IL1RAPL2: variants seen among roughly 807,000 people sequenced by gnomAD.
IL1RAPL2 encodes X-linked interleukin-1 receptor accessory protein-like 2.
Under a neutral mutation model 44.1 loss-of-function variants are expected in IL1RAPL2, and 3 were observed. The ratio of observed to expected loss-of-function variants is 0.07; its 90% confidence interval spans 0.03 to 0.18. IL1RAPL2 has a LOEUF of 0.18. Among genes scored for constraint, IL1RAPL2 ranks in the 10% least tolerant of loss-of-function variants. The pLI is 1.00. For synonymous variants in IL1RAPL2, 181 were observed against 178.8 expected, an observed-to-expected ratio of 1.01 and a Z score of -0.10; for missense variants, 391 against 496.4, an observed-to-expected ratio of 0.79 and a Z score of 2.02.
intron 1 of IL1RAPL2, chrX:104,647,778 T>A (rs184952739): frequency 9.3e-5 from 50 of 535,167 alleles, no homozygotes; most frequent in Non-Finnish European, 1.1e-4. Flanking sequence ...ACTGGTACAT[T>A]AAGTGGTCGA....
At chrX:104,876,476 G>A (rs1922901641) in intron 2 of IL1RAPL2, among the ~76,000 whole-genome samples, 1 of 110,906 alleles carries the variant, frequency 9.0e-6, no homozygotes, top group South Asian at 3.8e-4. Flanking sequence ...AAATCAAAAT[G>A]TTTCTTAATG....
At position 105,518,909 on chromosome X, in the gene IL1RAPL2, A is replaced by G. The variant is rs922601231; in HGVS notation, c.772+34522A>G. ...GAATCATTTATAACTTGCCTTACCT[A>G]TGCTACCACCCAAGCATCTATACAA... On this transcript the variant is annotated intron_variant, in intron 6 of 10. Transcript: ENST00000372582. Among the ~76,000 whole-genome samples, 2 of 111,302 alleles carry G rather than the reference A, an allele frequency of 1.8e-5. 1 individual carries two copies. The highest frequency in any genetic ancestry group is 7.5e-4 in the South Asian group (2 of 2,683).
chrX:105,077,299 A>T (rs2032322714), intron 2 of IL1RAPL2, among the ~76,000 whole-genome samples: 1 of 111,328 alleles, frequency 9.0e-6, no homozygotes, highest in Non-Finnish European at 1.9e-5. Flanking sequence ...TCCTTCACTT[A>T]TGAAGCTTAG....
intron 2 of IL1RAPL2, among the ~76,000 whole-genome samples, chrX:104,740,544 A>C (rs773266374): frequency 9.0e-6 from 1 of 110,794 alleles, no homozygotes; most frequent in Non-Finnish European, 1.9e-5. Context: ...GAGAAAATGA[A>C]GTCTGTGATA....
chrX:105,094,538 T>C (rs754754500), intron 2 of IL1RAPL2, among the ~76,000 whole-genome samples: 5 of 111,870 alleles, frequency 4.5e-5, no homozygotes, highest in Non-Finnish European at 7.5e-5. Flanking sequence ...TTCTACTCCA[T>C]TGATCTATGC....
intron 2 of IL1RAPL2, among the ~76,000 whole-genome samples, chrX:104,731,525 C>T (rs1194468246): frequency 1.8e-5 from 2 of 111,184 alleles, no homozygotes; most frequent in Non-Finnish European, 3.8e-5. Context: ...TTCTCAGCCT[C>T]CTGAGTAGAT....
At chrX:105,539,452 G>A (rs1024314518) in intron 6 of IL1RAPL2, among the ~76,000 whole-genome samples, 2 of 111,557 alleles carry the variant, frequency 1.8e-5, no homozygotes, top group African/African-American at 6.5e-5. Flanking sequence ...AAATGGCGCT[G>A]GGATAGCTGG....
At chrX:105,088,654 C>T (rs1310824845) in intron 2 of IL1RAPL2, among the ~76,000 whole-genome samples, 1 of 111,398 alleles carries the variant, frequency 9.0e-6, no homozygotes, top group African/African-American at 3.3e-5. Context: ...CCACTCTACA[C>T]ATGATGTTGG....
chrX:104,946,900 G>A (rs1200057800), intron 2 of IL1RAPL2, among the ~76,000 whole-genome samples: 1 of 94,568 alleles, frequency 1.1e-5, no homozygotes, highest in Non-Finnish European at 2.1e-5. Flanking sequence ...CTTTATAGCA[G>A]CATGATTTAT....
chrX:104,736,109 T>C (rs1040536656), intron 2 of IL1RAPL2, among the ~76,000 whole-genome samples: 1 of 111,465 alleles, frequency 9.0e-6, no homozygotes, highest in Non-Finnish European at 1.9e-5. Context: ...TCCACACTAA[T>C]CTAAACCCTG....
At position 105,479,026 on chromosome X, in the gene IL1RAPL2, G is replaced by T. The variant is rs922669269; in HGVS notation, c.698-5287G>T. On this transcript the variant is annotated intron_variant, in intron 5 of 10. Transcript: ENST00000372582. ...GTTCAAAGGAGTAGTCAATGCTTTAGGATTTAAGAGAGGAGAAAGATTAGC... is the reference window on the plus strand; with the variant it reads ...GTTCAAAGGAGTAGTCAATGCTTTATGATTTAAGAGAGGAGAAAGATTAGC... Among the ~76,000 whole-genome samples, 6 of 111,826 alleles carry T rather than the reference G, an allele frequency of 5.4e-5. No individual in the cohort carries two copies. The Admixed American group carries it at 5.7e-4, about 11-fold the overall frequency.
intron 2 of IL1RAPL2, among the ~76,000 whole-genome samples, chrX:104,766,409 T>TCCC: frequency 9.1e-6 from 1 of 109,691 alleles, no homozygotes; most frequent in African/African-American, 3.3e-5. Context: ...CTGCCTGCCT[T>TCCC]TCTTCCCTCC....
intron 2 of IL1RAPL2, among the ~76,000 whole-genome samples, chrX:105,188,460 C>T (rs1466044534): frequency 2.7e-5 from 3 of 111,595 alleles, no homozygotes; most frequent in Non-Finnish European, 5.6e-5. Flanking sequence ...GGTTGTAATG[C>T]CTCACCATGG....
intron 5 of IL1RAPL2, among the ~76,000 whole-genome samples, chrX:105,469,552 A>G (rs976528144): frequency 9.1e-6 from 1 of 110,201 alleles, no homozygotes; most frequent in African/African-American, 3.3e-5. Flanking sequence ...AAAGTTATCA[A>G]GCAAAGACTG....
At chrX:104,603,622 A>G (rs1046020599) in intron 1 of IL1RAPL2, among the ~76,000 whole-genome samples, 2 of 111,897 alleles carry the variant, frequency 1.8e-5, no homozygotes, top group Admixed American at 9.5e-5. Flanking sequence ...GACCTGATGG[A>G]GCTGAAAAAC....
intron 6 of IL1RAPL2, among the ~76,000 whole-genome samples, chrX:105,645,011 T>C (rs2037596176): frequency 8.9e-6 from 1 of 111,960 alleles, no homozygotes; most frequent in Non-Finnish European, 1.9e-5. Context: ...CTATCATTGA[T>C]GGGCATTTGG....
rs1049434344 is a variant in IL1RAPL2 at position 105,592,986 on chromosome X, T to C, written c.772+108599T>C. On this transcript the variant is annotated intron_variant, in intron 6 of 10. Transcript: ENST00000372582. The stretch of plus-strand genomic sequence containing the variant: ...TTAAATCTTGGCCTCTCTAATGAGG[T>C]TGGGGAAATTTTATTGGATGATTTC... Among the ~76,000 whole-genome samples the C allele has an allele frequency of 2.0e-4, 22 of 111,936 alleles. No homozygotes were observed. The Admixed American group carries it at 2.0e-3, about 10-fold the overall frequency.
At chrX:104,999,396 A>G (rs1280127257) in intron 2 of IL1RAPL2, among the ~76,000 whole-genome samples, 1 of 111,282 alleles carries the variant, frequency 9.0e-6, no homozygotes, top group Non-Finnish European at 1.9e-5. Context: ...GTGCAGAAGT[A>G]AACATACTAG....
chrX:104,815,180 A>G (rs761990878), intron 2 of IL1RAPL2, among the ~76,000 whole-genome samples: 1 of 111,496 alleles, frequency 9.0e-6, no homozygotes, highest in East Asian at 2.8e-4. Flanking sequence ...GGGAAAGGGG[A>G]TTATGTTTGT....
Sources: allele counts gnomAD v4.1 joint callset (sites outside exome capture counted in the v4.1 genomes callset), GRCh38; gene constraint gnomAD v4.1.1; transcripts MANE v1.5; gene names NCBI Gene and HGNC (gene_info 2026-07-23, HGNC 2026-07-21).